Variants in MACC1 observed in about 807,000 individuals in gnomAD.
MACC1 encodes the protein MET transcriptional regulator MACC1.
A neutral mutation model predicts 70.7 loss-of-function variants in MACC1; 79 were observed. The observed-to-expected ratio is 1.12, with a 90% CI of 0.93 to 1.35. The LOEUF is 1.35. MACC1 is among the 40% of genes most tolerant of loss of function. The pLI, the probability that MACC1 is intolerant of heterozygous loss-of-function variation, is 0.00. For synonymous variants in MACC1, 361 were observed against 347.2 expected, an observed-to-expected ratio of 1.04 and a Z score of -0.44; for missense variants, 1,106 against 978.1, an observed-to-expected ratio of 1.13 and a Z score of -1.74.
At chr7:20,199,360 G>A (rs2128108040) in intron 1 of MACC1, among the ~76,000 whole-genome samples, 1 of 152,352 alleles carries the variant, frequency 6.6e-6, no homozygotes. Context: ...CATTGTCCTA[G>A]CCAAAGCTAT....
chr7:20,211,566 G>T (rs1782996707), intron 1 of MACC1, among the ~76,000 whole-genome samples: 1 of 152,152 alleles, frequency 6.6e-6, no homozygotes, highest in Non-Finnish European at 1.5e-5. Context: ...GATGCCACAA[G>T]CTTCTGGCTT....
At chr7:20,199,214 T>C (rs1782799098) in intron 1 of MACC1, among the ~76,000 whole-genome samples, 1 of 152,226 alleles carries the variant, frequency 6.6e-6, no homozygotes, top group Non-Finnish European at 1.5e-5. Flanking sequence ...ACAGATTATG[T>C]GGTTCATACA....
chr7:20,196,104 A>T (rs1293347108), intron 1 of MACC1, among the ~76,000 whole-genome samples: 1 of 152,108 alleles, frequency 6.6e-6, no homozygotes. Flanking sequence ...GGTTTGTTCA[A>T]TCTGTGGGAG....
intron 1 of MACC1, among the ~76,000 whole-genome samples, chr7:20,201,715 G>A (rs1351167119): frequency 6.6e-6 from 1 of 152,212 alleles, no homozygotes; most frequent in East Asian, 1.9e-4. Flanking sequence ...TTGTAAGAAT[G>A]GAGAGAAGTG....
At chr7:20,167,850 C>T (rs562324011) in intron 2 of MACC1, among the ~76,000 whole-genome samples, 2 of 152,198 alleles carry the variant, frequency 1.3e-5, no homozygotes, top group South Asian at 4.2e-4. Context: ...TAATGCTCTG[C>T]CACTGCCATC....
chr7:20,206,336 TC>T (rs1782910482), intron 1 of MACC1, among the ~76,000 whole-genome samples: 1 of 152,064 alleles, frequency 6.6e-6, no homozygotes, highest in Admixed American at 6.5e-5. Context: ...AGGCAAGACT[TC>T]CAGTGACGTT....
chr7:20,149,261 C>G (rs1010332891), intron 6 of MACC1, among the ~76,000 whole-genome samples: 4 of 152,104 alleles, frequency 2.6e-5, no homozygotes, highest in South Asian at 2.1e-4. Flanking sequence ...TATAGGCACT[C>G]TCAGTCACAT....
At chr7:20,180,853 CAAT>C (rs1012956866) in intron 1 of MACC1, among the ~76,000 whole-genome samples, 6 of 151,382 alleles carry the variant, frequency 4.0e-5, no homozygotes, top group Non-Finnish European at 7.4e-5. Context: ...TCTCAAATAA[CAAT>C]AATAATAATA....
At chr7:20,153,974 A>G (rs1782017909) in intron 6 of MACC1, among the ~76,000 whole-genome samples, 1 of 152,154 alleles carries the variant, frequency 6.6e-6, no homozygotes, top group Non-Finnish European at 1.5e-5. Context: ...TATGAAATCC[A>G]AAAGAAGAAA....
intron 1 of MACC1, among the ~76,000 whole-genome samples, chr7:20,196,338 G>A (rs947452612): frequency 6.6e-5 from 10 of 151,836 alleles, no homozygotes; most frequent in East Asian, 3.9e-4. Context: ...CCGCCACCAC[G>A]CCCGGCTAAT....
At position 20,144,581 on chromosome 7, in the gene MACC1, A is replaced by G. The variant is rs554465409; in HGVS notation, c.2347-3423T>C. The stretch of plus-strand genomic sequence containing the variant: ...CAAAATACCTCATGATGTATCTGGC[A>G]TATAGTTTGCATTTATACTTCTTAA... On this transcript the variant is annotated intron_variant, in intron 6 of 6. Coordinates refer to ENST00000400331, the MANE Select transcript of MACC1 (RefSeq NM_182762.4). Among the ~76,000 whole-genome samples the G allele has an allele frequency of 5.9e-5, 9 of 152,312 alleles. No homozygotes were observed. The East Asian group carries it at 1.5e-3, about 26-fold the overall frequency.
intron 1 of MACC1, among the ~76,000 whole-genome samples, chr7:20,191,305 C>A (rs1782668069): frequency 1.3e-5 from 2 of 152,210 alleles, no homozygotes; most frequent in African/African-American, 2.4e-5. Context: ...GGCCTACTTG[C>A]ACTTCTGAGG....
At chr7:20,197,555 T>C (rs189148053) in intron 1 of MACC1, among the ~76,000 whole-genome samples, 3 of 152,386 alleles carry the variant, frequency 2.0e-5, no homozygotes, top group Admixed American at 6.5e-5. Context: ...ATCTCCTGTC[T>C]ATTTAGTAAA....
At chr7:20,148,171 G>GA (rs112415628) in intron 6 of MACC1, among the ~76,000 whole-genome samples, 32,634 of 151,932 alleles carry the variant, frequency 0.21, 4,100 homozygotes, top group Non-Finnish European at 0.28. Context: ...TGGCAAATGA[G>GA]AAAAAAGGTG....
At chr7:20,211,404 A>C (rs1782994291) in intron 1 of MACC1, among the ~76,000 whole-genome samples, 1 of 152,186 alleles carries the variant, frequency 6.6e-6, no homozygotes, top group Admixed American at 6.5e-5. Context: ...TGTTAAATGG[A>C]AAAGTCATAT....
intron 2 of MACC1, chr7:20,170,214 T>C (rs1782283739): frequency 6.6e-6 from 1 of 152,234 alleles, no homozygotes; most frequent in African/African-American, 2.4e-5. Flanking sequence ...TTTCCTCATC[T>C]ACAAAATGAG....
chr7:20,185,867 C>T (rs765358823), intron 1 of MACC1, among the ~76,000 whole-genome samples: 9 of 152,110 alleles, frequency 5.9e-5, no homozygotes, highest in Non-Finnish European at 1.2e-4. Context: ...GTTGGGGAGA[C>T]TGAGATACAT....
chr7:20,155,380 G>T (rs756046837), intron 5 of MACC1, among the ~76,000 whole-genome samples: 3 of 152,096 alleles, frequency 2.0e-5, no homozygotes, highest in South Asian at 2.1e-4. Flanking sequence ...TAAATTAGGC[G>T]CAGTAAGAGA....
rs778748438 is a variant in MACC1 at position 20,171,773 on chromosome 7, G to T, written c.-217-995C>A. ...ATTTTTGTAATTTTAGTAGAGACAG[G>T]GTTTCACCATATAGGTCAAGCTGGT... On this transcript the variant is annotated intron_variant, in intron 1 of 6. Coordinates refer to ENST00000400331, the MANE Select transcript of MACC1 (RefSeq NM_182762.4). Among the ~76,000 whole-genome samples the T allele has an allele frequency of 2.3e-4, 35 of 151,978 alleles. 1 individual carries two copies. The highest frequency in any genetic ancestry group is 1.1e-3 in the Admixed American group (17 of 15,260).
Sources: allele counts gnomAD v4.1 joint callset (sites outside exome capture counted in the v4.1 genomes callset), GRCh38; gene constraint gnomAD v4.1.1; transcripts MANE v1.5; gene names NCBI Gene and HGNC (gene_info 2026-07-23, HGNC 2026-07-21).